Variants in SOX5 observed in about 807,000 individuals in gnomAD.
SOX5 encodes the protein transcription factor SOX-5.
Under a neutral mutation model 92.0 loss-of-function variants are expected in SOX5, and 9 were observed. The ratio of observed to expected loss-of-function variants is 0.10; its 90% CI spans 0.06 to 0.17. The LOEUF (loss-of-function observed/expected upper bound fraction) is 0.17, where lower values mean the gene tolerates loss of function less well. Among genes scored for constraint, SOX5 ranks in the 10% least tolerant of loss-of-function variants. The pLI, the probability that SOX5 is intolerant of heterozygous loss-of-function variation, is 1.00. For missense variants in SOX5, 642 were observed against 944.5 expected (o/e 0.68, Z 4.20); for synonymous variants, 344 against 336.3 (o/e 1.02, Z -0.25).
chr12:23,895,269 T>C (rs1349090662), intron 2 of SOX5, among the ~76,000 whole-genome samples: 2 of 151,824 alleles, frequency 1.3e-5, no homozygotes, highest in East Asian at 3.9e-4. Flanking sequence ...AGGCCTGAGT[T>C]AGAAATTGGT....
intron 8 of SOX5, among the ~76,000 whole-genome samples, chr12:23,606,419 C>T (rs185192774): frequency 9.2e-5 from 14 of 151,622 alleles, no homozygotes; most frequent in Non-Finnish European, 1.6e-4. Context: ...ATTCGTTATA[C>T]ACTAAAAATG....
At chr12:24,052,580 T>C (rs1957667750) in intron 4 of SOX5, among the ~76,000 whole-genome samples, 3 of 152,200 alleles carry the variant, frequency 2.0e-5, no homozygotes, top group South Asian at 4.1e-4. Context: ...CACAACCTAA[T>C]TAATTTGAAA....
At chr12:24,351,898 T>C (rs1954132407) in intron 2 of SOX5, among the ~76,000 whole-genome samples, 1 of 152,268 alleles carries the variant, frequency 6.6e-6, no homozygotes, top group Non-Finnish European at 1.5e-5. Context: ...ATGGTTATTT[T>C]CAGTGATCCA....
intron 1 of SOX5, among the ~76,000 whole-genome samples, chr12:24,437,234 T>C (rs1384119150): frequency 6.6e-6 from 1 of 151,428 alleles, no homozygotes; most frequent in Non-Finnish European, 1.5e-5. Context: ...GATTTCCTAT[T>C]TAATAAATGG....
chr12:24,450,553 G>T (rs1195169988), intron 1 of SOX5, among the ~76,000 whole-genome samples: 1 of 151,766 alleles, frequency 6.6e-6, no homozygotes, highest in African/African-American at 2.4e-5. Context: ...GGAATGCAGT[G>T]GTACAATCTC....
At chr12:23,715,704 C>T (rs1277336342) in intron 6 of SOX5, among the ~76,000 whole-genome samples, 1 of 151,138 alleles carries the variant, frequency 6.6e-6, no homozygotes, top group Non-Finnish European at 1.5e-5. Context: ...CTCCCATATG[C>T]TCCTTTAAAG....
intron 4 of SOX5, among the ~76,000 whole-genome samples, chr12:24,095,733 T>C (rs10771057): frequency 0.45 from 67,749 of 151,818 alleles, 15,627 homozygotes; most frequent in East Asian, 0.67. Context: ...TCATGGGGCT[T>C]GCTTCCCCCA....
intron 4 of SOX5, among the ~76,000 whole-genome samples, chr12:24,098,554 A>G (rs1220533227): frequency 6.6e-6 from 1 of 152,146 alleles, no homozygotes; most frequent in African/African-American, 2.4e-5. Flanking sequence ...TGCATTTACA[A>G]ATATGGATTT....
chr12:24,216,787 G>A (rs1370129241), intron 3 of SOX5, among the ~76,000 whole-genome samples: 1 of 152,126 alleles, frequency 6.6e-6, no homozygotes, highest in African/African-American at 2.4e-5. Flanking sequence ...AATTAGCTGG[G>A]CAGGGTGGTG....
chr12:24,396,176 C>G (rs1216043531), intron 1 of SOX5, among the ~76,000 whole-genome samples: 1 of 152,178 alleles, frequency 6.6e-6, no homozygotes, highest in African/African-American at 2.4e-5. Flanking sequence ...GCAATGCTCT[C>G]TCATTTTAAA....
intron 4 of SOX5, among the ~76,000 whole-genome samples, chr12:24,175,760 G>C (rs1176630227): frequency 6.6e-6 from 1 of 152,166 alleles, no homozygotes; most frequent in African/African-American, 2.4e-5. Context: ...CCTTAGACCA[G>C]AGTATGGACT....
At chr12:23,570,972 TA>T (rs1948259006) in intron 10 of SOX5, among the ~76,000 whole-genome samples, 18 of 113,084 alleles carry the variant, frequency 1.6e-4, no homozygotes, top group Admixed American at 2.9e-4. Context: ...TATATATATA[TA>T]TATATATATA....
At chr12:23,698,419 C>A (rs994651437) in intron 6 of SOX5, among the ~76,000 whole-genome samples, 1 of 152,116 alleles carries the variant, frequency 6.6e-6, no homozygotes, top group Non-Finnish European at 1.5e-5. Flanking sequence ...GTTTTAATTG[C>A]TATATCTTCA....
chr12:23,986,544 C>T (rs1470265200), intron 4 of SOX5, among the ~76,000 whole-genome samples: 1 of 152,142 alleles, frequency 6.6e-6, no homozygotes, highest in African/African-American at 2.4e-5. Flanking sequence ...AATACAATGT[C>T]TTTCTTTCAT....
intron 1 of SOX5, among the ~76,000 whole-genome samples, chr12:23,929,308 G>C (rs1940846213): frequency 2.0e-5 from 3 of 151,954 alleles, no homozygotes; most frequent in Admixed American, 2.0e-4. Context: ...ATGAAAGAGA[G>C]TTTTTAAAGC....
chr12:24,005,185 A>C (rs1477952329), intron 4 of SOX5, among the ~76,000 whole-genome samples: 10 of 141,978 alleles, frequency 7.0e-5, no homozygotes, highest in African/African-American at 2.4e-4. Flanking sequence ...TAAACTTACT[A>C]AAAAAAAAAA....
At chr12:23,570,800 A>G (rs1026686720) in intron 10 of SOX5, among the ~76,000 whole-genome samples, 3 of 148,752 alleles carry the variant, frequency 2.0e-5, no homozygotes, top group Non-Finnish European at 4.5e-5. Flanking sequence ...AGTCCCAGCT[A>G]CTCTGGAGGC....
intron 6 of SOX5, among the ~76,000 whole-genome samples, chr12:23,715,497 T>C (rs2092421982): frequency 2.0e-5 from 3 of 152,158 alleles, no homozygotes; most frequent in Non-Finnish European, 4.4e-5. Context: ...ATTTGTATGA[T>C]AGATCAGTAA....
chr12:23,971,391 G>T (rs1948323838), intron 4 of SOX5, among the ~76,000 whole-genome samples: 1 of 151,346 alleles, frequency 6.6e-6, no homozygotes, highest in East Asian at 1.9e-4. Flanking sequence ...CAAAGTGCTG[G>T]GATTACAAGT....
Sources: gnomAD v4.1 joint callset for allele counts (sites outside exome capture counted in the v4.1 genomes callset) on GRCh38, gnomAD v4.1.1 for gene constraint, MANE v1.5 for transcripts, NCBI Gene and HGNC (gene_info 2026-07-23, HGNC 2026-07-21) for gene names.